STK33: variants seen among roughly 807,000 people sequenced by gnomAD.
STK33 encodes the protein serine/threonine-protein kinase 33.
Under a neutral mutation model 58.0 loss-of-function variants are expected in STK33, and 52 were observed. That is an observed-to-expected ratio of 0.90 (90% CI 0.72 to 1.13). The LOEUF (loss-of-function observed/expected upper bound fraction) is 1.13, where lower values mean the gene tolerates loss of function less well. Among genes scored for constraint, STK33 ranks in the 50% most tolerant of loss-of-function variants. The probability of loss-of-function intolerance (pLI) is 0.00; values close to 1 mark genes in which losing one functional copy is unlikely to be tolerated. For synonymous variants in STK33, 215 were observed against 200.1 expected, an observed-to-expected ratio of 1.07 and a Z score of -0.63; for missense variants, 630 against 604.2, an observed-to-expected ratio of 1.04 and a Z score of -0.45.
chr11:8,460,870 T>C (rs1947436627), intron 8 of STK33, among the ~76,000 whole-genome samples: 1 of 152,220 alleles, frequency 6.6e-6, no homozygotes, highest in Non-Finnish European at 1.5e-5. Context: ...AGGATAACTG[T>C]GGTCTTTAAT....
chr11:8,350,184 C>A, the STK33 span, among the ~76,000 whole-genome samples: 1 of 152,212 alleles, frequency 6.6e-6, no homozygotes, highest in African/African-American at 2.4e-5. Context: ...TGGTGGCAGA[C>A]GATTTGGATC....
chr11:8,402,231 G>A (rs1938159049), intron 15 of STK33, among the ~76,000 whole-genome samples: 2 of 152,160 alleles, frequency 1.3e-5, no homozygotes, highest in Admixed American at 6.5e-5. Flanking sequence ...GTCCAACAAT[G>A]ATAGACTGGA....
intron 1 of STK33, among the ~76,000 whole-genome samples, chr11:8,511,372 C>A (rs895149544): frequency 6.6e-5 from 10 of 152,138 alleles, no homozygotes; most frequent in African/African-American, 2.4e-4. Context: ...CTTATCAGAT[C>A]TAGAAGGTTT....
At chr11:8,448,480 A>T (rs182443280) in intron 11 of STK33, among the ~76,000 whole-genome samples, 2,787 of 152,272 alleles carry the variant, frequency 0.018, 91 homozygotes, top group African/African-American at 0.062. Flanking sequence ...ATAATGCTGC[A>T]TATCTACAAC....
chr11:8,547,780 C>CA (rs1319592083), intron 1 of STK33, among the ~76,000 whole-genome samples: 2 of 151,954 alleles, frequency 1.3e-5, no homozygotes, highest in East Asian at 3.9e-4. Flanking sequence ...GGGTCTTATC[C>CA]AAAAAAATCT....
intron 7 of STK33, among the ~76,000 whole-genome samples, chr11:8,462,884 T>G (rs1489810744): frequency 6.6e-6 from 1 of 152,146 alleles, no homozygotes; most frequent in East Asian, 1.9e-4. Context: ...GGATAAGCAT[T>G]GTCCTCATTT....
rs1940848858 is a variant in STK33, at chr11:8,414,639, A to G, written c.1147-947T>C. 2.6e-5 allele frequency among the ~76,000 whole-genome samples: 4 copies of G among 152,274 alleles called. No individual in the cohort carries two copies. In the South Asian group the frequency reaches 6.2e-4, roughly 24 times the overall value. ...TGTTGAGTTTAATGTATTTGTGGCT[A>G]AAGACATAGACAAACACTAAATATG... On this transcript the variant is annotated intron_variant, in intron 14 of 15. Coordinates refer to ENST00000687296, the MANE Select transcript of STK33 (RefSeq NM_001352389.2).
chr11:8,458,110 G>A lies in STK33; in HGVS notation c.559-631C>T, dbSNP rs116088376. Among the ~76,000 whole-genome samples the A allele has an allele frequency of 8.3e-3, 1,256 of 152,212 alleles. 13 individuals are homozygous for A. The highest frequency in any genetic ancestry group is 0.029 in the African/African-American group (1,194 of 41,516). On this transcript the variant is annotated intron_variant, in intron 8 of 15. Coordinates refer to ENST00000687296, the MANE Select transcript of STK33 (RefSeq NM_001352389.2). ...CTAGTGCCGGGGTTGCGGGGTGCAC[G>A]TGTATGATATTACCAATTGTGCATT...
At chr11:8,389,214 G>C (rs1251428988), downstream of STK33, among the ~76,000 whole-genome samples, 3 of 152,272 alleles carry the variant, frequency 2.0e-5, no homozygotes, top group Non-Finnish European at 4.4e-5. Flanking sequence ...AGGGGACACA[G>C]CTGTAAGAGG....
chr11:8,475,219 A>G, intron 4 of STK33, 153 bp from the exon 5 acceptor site: 1 of 229,420 alleles, frequency 4.4e-6, no homozygotes, highest in Non-Finnish European at 8.4e-6. Flanking sequence ...AGCATGGTCT[A>G]AAACAGCATC....
Position 8,546,199 on chromosome 11 carries a change from T to C in STK33, c.-466+47884A>G, listed in dbSNP as rs139401739. On this transcript the variant is annotated intron_variant, in intron 1 of 15. Transcript: ENST00000687296. ...TGAGTGAATGTGAAGGCACAGGTCA[T>C]TATTGCATACTACTGTACACTGTGC... Among the ~76,000 whole-genome samples, 311 of 152,348 alleles carry C rather than the reference T, an allele frequency of 2.0e-3. 1 individual carries two copies. The highest frequency in any genetic ancestry group is 6.2e-3 in the South Asian group (30 of 4,830).
intron 15 of STK33, 74 bp downstream of exon 15, chr11:8,413,421 T>G: frequency 2.7e-6 from 4 of 1,506,318 alleles, no homozygotes; most frequent in Non-Finnish European, 1.8e-6. Flanking sequence ...AAAAGACAGA[T>G]TTGCAAAAAA....
chr11:8,449,988 A>G (rs1946068980), intron 11 of STK33, among the ~76,000 whole-genome samples: 1 of 152,216 alleles, frequency 6.6e-6, no homozygotes, highest in South Asian at 2.1e-4. Flanking sequence ...TGTGGAATAC[A>G]GTGTGGTGAT....
chr11:8,587,047 C>G (rs566758836), intron 1 of STK33, among the ~76,000 whole-genome samples: 166 of 152,066 alleles, frequency 1.1e-3, no homozygotes, highest in Non-Finnish European at 2.1e-3. Flanking sequence ...ATCTCTCCCT[C>G]AGTGATTTGT....
At position 8,569,105 on chromosome 11, in the gene STK33, A is replaced by T. The variant is rs184233962; in HGVS notation, c.-466+24978T>A. 3.0e-4 allele frequency among the ~76,000 whole-genome samples: 46 copies of T among 152,352 alleles called. 1 individual carries two copies. On this transcript the variant is annotated intron_variant, in intron 1 of 15. Transcript: ENST00000687296. ...GCATGAATTTACCAAGGTTTATTCT[A>T]TGATTCTCAATCTGGCTGCACAGTT...
chr11:8,441,436 CA>C (rs1421451403), intron 11 of STK33, among the ~76,000 whole-genome samples: 2 of 151,982 alleles, frequency 1.3e-5, no homozygotes, highest in South Asian at 4.2e-4. Context: ...ACTGCAGCCT[CA>C]AACTACTAGG....
chr11:8,454,947 C>T (rs1035231905), intron 9 of STK33, 115 bp from the exon 10 acceptor site: 2 of 1,058,776 alleles, frequency 1.9e-6, no homozygotes, highest in Admixed American at 3.9e-5. Flanking sequence ...AATTTGAGGG[C>T]CAAGCATAGT....
chr11:8,455,443 C>T (rs541710656), intron 9 of STK33, among the ~76,000 whole-genome samples: 1 of 152,118 alleles, frequency 6.6e-6, no homozygotes, highest in Non-Finnish European at 1.5e-5. Flanking sequence ...TACAAATAAC[C>T]ATGTACCAAA....
chr11:8,528,553 CT>C (rs1954249015), intron 1 of STK33, among the ~76,000 whole-genome samples: 2 of 152,218 alleles, frequency 1.3e-5, no homozygotes, highest in Admixed American at 1.3e-4. Context: ...GCCTCAGTTT[CT>C]TCCCTTAGGT....
Sources: allele counts gnomAD v4.1 joint callset (sites outside exome capture counted in the v4.1 genomes callset), GRCh38; gene constraint gnomAD v4.1.1; transcripts MANE v1.5; gene names NCBI Gene and HGNC (gene_info 2026-07-23, HGNC 2026-07-21).